VPS13B: variants seen among roughly 807,000 people sequenced by gnomAD.
The protein encoded by VPS13B is vacuolar protein sorting 13 homolog B.
In VPS13B, 285 loss-of-function variants were observed where a neutral mutation model predicts 426.4. The ratio of observed to expected loss-of-function variants is 0.67; its 90% CI spans 0.61 to 0.74. The LOEUF is 0.74. Ranked by LOEUF, VPS13B falls within the 30% of genes least tolerant of loss-of-function variation. VPS13B has a pLI of 0.00. For synonymous variants in VPS13B, 1,676 were observed against 1,676.4 expected (o/e 1.00, Z 0.01); for missense variants, 4,537 against 4,782.6 (o/e 0.95, Z 1.51).
chr8:99,056,683 C>T (rs1843889964), intron 3 of VPS13B, among the ~76,000 whole-genome samples: 1 of 152,088 alleles, frequency 6.6e-6, no homozygotes, highest in Admixed American at 6.5e-5. Context: ...CCTTCTATTC[C>T]TCATCCTCAT....
intron 35 of VPS13B, among the ~76,000 whole-genome samples, chr8:99,687,688 A>G (rs1246168109): frequency 6.6e-6 from 1 of 152,052 alleles, no homozygotes; most frequent in Non-Finnish European, 1.5e-5. Flanking sequence ...TCTCTGTGCC[A>G]CACAGCCACC....
At chr8:99,132,974 A>T (rs954628183) in intron 8 of VPS13B, among the ~76,000 whole-genome samples, 41 of 152,208 alleles carry the variant, frequency 2.7e-4, no homozygotes, top group African/African-American at 9.2e-4. Context: ...AGAATGGTAA[A>T]TGAACACTAT....
At position 99,143,166 on chromosome 8, in the gene VPS13B, G is replaced by T. The variant is rs1350917774; in HGVS notation, c.1843+1G>T. On this transcript the variant is annotated splice_donor_variant, in intron 13 of 61. Coordinates refer to ENST00000357162, the MANE Select transcript of VPS13B (RefSeq NM_152564.5). LOFTEE classifies it high-confidence loss of function. ...GAACCATATAGCAGGCTAAAATCAG[G>T]TTTGTTTCTGGATTAATTTTGAATC... The T allele has an allele frequency of 1.2e-6, 2 of 1,613,774 alleles. No homozygotes were observed. The highest frequency in any genetic ancestry group is 1.3e-5 in the African/African-American group (1 of 74,904).
At position 99,683,387 on chromosome 8, in the gene VPS13B, T is replaced by G. The variant is rs551792817; in HGVS notation, c.6047-16138T>G. Among the ~76,000 whole-genome samples, 5 of 145,554 alleles carry G rather than the reference T, an allele frequency of 3.4e-5. 1 individual carries two copies. The Admixed American group carries it at 3.8e-4, about 11-fold the overall frequency. On this transcript the variant is annotated intron_variant, in intron 35 of 61. Transcript: ENST00000357162. ...TCAGCTTTTCTATATTTAAAATAAA[T>G]ATTTCTGGGATTATTGGAATTCTGT...
chr8:99,164,883 T>TC (rs1460414994), intron 15 of VPS13B, among the ~76,000 whole-genome samples: 2 of 152,152 alleles, frequency 1.3e-5, no homozygotes, highest in Non-Finnish European at 2.9e-5. Context: ...TTCGACTTTT[T>TC]CTTTCCTTTC....
intron 29 of VPS13B, among the ~76,000 whole-genome samples, chr8:99,517,316 G>A (rs1822137079): frequency 6.6e-6 from 1 of 152,076 alleles, no homozygotes; most frequent in Non-Finnish European, 1.5e-5. Flanking sequence ...CAAGCTATTG[G>A]TTACTGATAC....
At chr8:99,597,759 A>G (rs550809161) in intron 33 of VPS13B, among the ~76,000 whole-genome samples, 1 of 152,128 alleles carries the variant, frequency 6.6e-6, no homozygotes, top group Admixed American at 6.6e-5. Context: ...TGTGAGCAAA[A>G]TAAACCTAAA....
At chr8:99,562,092 C>T (rs964913760) in intron 31 of VPS13B, among the ~76,000 whole-genome samples, 2 of 152,054 alleles carry the variant, frequency 1.3e-5, no homozygotes, top group African/African-American at 4.8e-5. Flanking sequence ...TTCTTTCTTT[C>T]TTTTGTTTTG....
At chr8:99,494,294 A>T (rs1419376586) in intron 25 of VPS13B, among the ~76,000 whole-genome samples, 1 of 152,152 alleles carries the variant, frequency 6.6e-6, no homozygotes, top group Non-Finnish European at 1.5e-5. Context: ...ATCCGTTAAA[A>T]AATAACTCAC....
chr8:99,569,935 A>C lies in VPS13B; in HGVS notation c.4950-5723A>C, dbSNP rs187168151. On this transcript the variant is annotated intron_variant, in intron 31 of 61. Coordinates refer to ENST00000357162, the MANE Select transcript of VPS13B (RefSeq NM_152564.5). ...GGTTTAATAAATTTCTATGGACATA[A>C]TCCTCTATATTACTACATGATAGGT... 3.2e-3 allele frequency among the ~76,000 whole-genome samples: 482 copies of C among 152,310 alleles called. 3 individuals are homozygous for C. The highest frequency in any genetic ancestry group is 5.4e-3 in the Non-Finnish European group (365 of 68,016).
intron 19 of VPS13B, among the ~76,000 whole-genome samples, chr8:99,309,859 G>C (rs1197503830): frequency 6.6e-6 from 1 of 152,082 alleles, no homozygotes; most frequent in Non-Finnish European, 1.5e-5. Context: ...TTATTTTGTT[G>C]AGCAGTGGTT....
At chr8:99,648,942 C>T (rs928707245) in intron 34 of VPS13B, among the ~76,000 whole-genome samples, 2 of 147,708 alleles carry the variant, frequency 1.4e-5, no homozygotes, top group Non-Finnish European at 1.5e-5. Context: ...CCTTCATCTG[C>T]GAGTACCTTT....
intron 3 of VPS13B, among the ~76,000 whole-genome samples, chr8:99,064,608 T>A (rs962101793): frequency 3.3e-5 from 5 of 152,166 alleles, no homozygotes; most frequent in African/African-American, 1.2e-4. Context: ...TGGGACTATG[T>A]GAAAAAACCA....
chr8:99,129,279 G>C (rs1336139920), intron 8 of VPS13B, among the ~76,000 whole-genome samples: 1 of 151,314 alleles, frequency 6.6e-6, no homozygotes, highest in Non-Finnish European at 1.5e-5. Flanking sequence ...AATAAAATAA[G>C]ATATTAAAAA....
At chr8:99,170,776 A>G (rs559668237) in intron 16 of VPS13B, among the ~76,000 whole-genome samples, 3 of 151,712 alleles carry the variant, frequency 2.0e-5, no homozygotes, top group Admixed American at 6.6e-5. Flanking sequence ...CTTTTAATAT[A>G]TTGTTTAAAT....
intron 39 of VPS13B, among the ~76,000 whole-genome samples, chr8:99,751,169 A>T (rs1164166233): frequency 1.3e-5 from 2 of 152,084 alleles, no homozygotes; most frequent in Non-Finnish European, 2.9e-5. Context: ...ATGCAGGCTT[A>T]TTATTTTTTT....
At chr8:99,587,498 T>C (rs1019042387) in intron 33 of VPS13B, among the ~76,000 whole-genome samples, 5 of 151,776 alleles carry the variant, frequency 3.3e-5, no homozygotes, top group African/African-American at 1.2e-4. Flanking sequence ...TTTCCTGACT[T>C]TTAAATGATC....
chr8:99,060,933 ACTTT>A (rs1404705614), intron 3 of VPS13B, among the ~76,000 whole-genome samples: 2 of 152,196 alleles, frequency 1.3e-5, no homozygotes. Context: ...TTCATCAGGG[ACTTT>A]CTAAGAATGT....
intron 17 of VPS13B, among the ~76,000 whole-genome samples, chr8:99,238,175 T>A (rs1207044432): frequency 6.6e-6 from 1 of 152,174 alleles, no homozygotes; most frequent in Admixed American, 6.5e-5. Flanking sequence ...AAGTGCCCTA[T>A]ACTTCCACTG....
Sources: gnomAD v4.1 joint callset for allele counts (sites outside exome capture counted in the v4.1 genomes callset) on GRCh38, gnomAD v4.1.1 for gene constraint, MANE v1.5 for transcripts, NCBI Gene and HGNC (gene_info 2026-07-23, HGNC 2026-07-21) for gene names.